The following GSE1 variants were observed in gnomAD, a reference collection of about 807,000 sequenced individuals.
GSE1 encodes the protein genetic suppressor element 1.
A neutral mutation model predicts 112.6 loss-of-function variants in GSE1; 32 were observed. The ratio of observed to expected loss-of-function variants is 0.28; its 90% CI spans 0.21 to 0.38. GSE1 has a LOEUF of 0.38. GSE1 is among the 10% of genes least tolerant of loss of function. The pLI is 1.00. For synonymous variants in GSE1, 1,115 were observed against 735.6 expected, an observed-to-expected ratio of 1.52 and a Z score of -8.35; for missense variants, 2,348 against 1,699.2, an observed-to-expected ratio of 1.38 and a Z score of -6.71.
chr16:85,208,778 C>T (rs1285066976), intron 1 of GSE1, among the ~76,000 whole-genome samples: 4 of 151,610 alleles, frequency 2.6e-5, no homozygotes, highest in South Asian at 4.2e-4. Flanking sequence ...GGGTGGGGTT[C>T]GCCGCGTGTT....
intron 1 of GSE1, among the ~76,000 whole-genome samples, chr16:85,627,169 G>A (rs1177596027): frequency 9.8e-5 from 12 of 122,518 alleles, no homozygotes; most frequent in Non-Finnish European, 1.7e-4. Flanking sequence ...TACGGGGGGC[G>A]GGGGGTGGGG....
intron 1 of GSE1, among the ~76,000 whole-genome samples, chr16:85,348,873 C>A (rs1338256843): frequency 6.6e-6 from 1 of 152,068 alleles, no homozygotes; most frequent in Non-Finnish European, 1.5e-5. Context: ...TGTCCTCCCT[C>A]CCTCCAGCCC....
chr16:85,415,931 C>T (rs1486865889), intron 2 of GSE1, among the ~76,000 whole-genome samples: 2 of 152,184 alleles, frequency 1.3e-5, no homozygotes, highest in Non-Finnish European at 2.9e-5. Flanking sequence ...GAAGGCCGAG[C>T]AATAACACAC....
chr16:85,461,838 C>T (rs1043790799), intron 2 of GSE1, among the ~76,000 whole-genome samples: 1 of 152,200 alleles, frequency 6.6e-6, no homozygotes, highest in South Asian at 2.1e-4. Flanking sequence ...ACCTCCCCTC[C>T]TCCCGGACCT....
intron 3 of GSE1, among the ~76,000 whole-genome samples, chr16:85,650,612 A>G (rs1010428238): frequency 6.6e-6 from 1 of 152,202 alleles, no homozygotes; most frequent in South Asian, 2.1e-4. Flanking sequence ...AGAGCAGAGC[A>G]GGGGCGCGAC....
chr16:85,599,960 A>T (rs2047391377), intron 1 of GSE1, among the ~76,000 whole-genome samples: 1 of 152,118 alleles, frequency 6.6e-6, no homozygotes, highest in Admixed American at 6.5e-5. Context: ...CTAAAATGGG[A>T]GGGCGGCAGC....
intron 1 of GSE1, among the ~76,000 whole-genome samples, chr16:85,195,198 C>T (rs1479140026): frequency 3.9e-5 from 6 of 152,132 alleles, no homozygotes; most frequent in Non-Finnish European, 7.3e-5. Flanking sequence ...TTTAAAAAAC[C>T]CACAGAGGAG....
At chr16:85,356,933 C>T (rs753677269) in intron 1 of GSE1, among the ~76,000 whole-genome samples, 3 of 152,200 alleles carry the variant, frequency 2.0e-5, no homozygotes, top group East Asian at 1.9e-4. Flanking sequence ...GAGCATCCCC[C>T]GGGGGTACTC....
intron 1 of GSE1, among the ~76,000 whole-genome samples, chr16:85,343,833 G>A (rs1388250251): frequency 3.3e-5 from 5 of 152,166 alleles, no homozygotes; most frequent in South Asian, 4.1e-4. Context: ...CTCTCACTGC[G>A]AATGAGATCC....
rs1567692418 is a variant in GSE1 at position 85,331,345 on chromosome 16, G to A, written c.2284-26118G>A. 9.4e-5 allele frequency among the ~76,000 whole-genome samples: 7 copies of A among 74,212 alleles called. No individual in the cohort carries two copies. The East Asian group carries it at 3.4e-3, about 36-fold the overall frequency. 48.7% of individuals were successfully genotyped at this position (74,212 alleles called of 152,430 possible). ...TTTCTGTGTGTGTGTGTGTGTGTGT[G>A]TGTGTGTGTGTGTGTGTGTGTATAT... On this transcript the variant is annotated intron_variant, in intron 1 of 2. Transcript: ENST00000637419.
intron 1 of GSE1, among the ~76,000 whole-genome samples, chr16:85,187,374 A>G (rs2074726558): frequency 6.6e-6 from 1 of 152,260 alleles, no homozygotes; most frequent in South Asian, 2.1e-4. Flanking sequence ...GGCTGCGCCA[A>G]GGCCCTGGGG....
chr16:85,595,548 C>T (rs1466946506), intron 1 of GSE1: 3 of 152,202 alleles, frequency 2.0e-5, no homozygotes, highest in East Asian at 1.9e-4. Context: ...CCTCTGATGC[C>T]TGTTGAGGAG....
rs541483053 is a variant in GSE1, at chr16:85,480,003, G to A, written c.2464+122360G>A. On this transcript the variant is annotated intron_variant, in intron 2 of 2. Coordinates refer to the GSE1 transcript ENST00000637419. ...CCCAAGGTGCTTGAGGCCACACAGC[G>A]GCCATGATGCACGACGGGTGATGTT... is the stretch of plus-strand genomic sequence containing the variant. Among the ~76,000 whole-genome samples, 77 of 152,302 alleles carry A rather than the reference G, an allele frequency of 5.1e-4. 1 individual carries two copies. The highest frequency in any genetic ancestry group is 9.1e-4 in the Admixed American group (14 of 15,302).
chr16:85,290,163 C>T (rs960123275), intron 1 of GSE1, among the ~76,000 whole-genome samples: 4 of 152,138 alleles, frequency 2.6e-5, no homozygotes, highest in African/African-American at 9.7e-5. Flanking sequence ...CACTTCCCTG[C>T]GTGGGAAGGG....
At chr16:85,651,893 C>T (rs768613129) in intron 3 of GSE1, among the ~76,000 whole-genome samples, 1 of 152,170 alleles carries the variant, frequency 6.6e-6, no homozygotes, top group Non-Finnish European at 1.5e-5. Context: ...TGCTGGGGGG[C>T]CAGGGGCCAC....
chr16:85,242,677 C>G (rs944293311), intron 1 of GSE1, among the ~76,000 whole-genome samples: 6 of 152,134 alleles, frequency 3.9e-5, no homozygotes, highest in South Asian at 2.1e-4. Context: ...CGACAGCGAC[C>G]CCGACCCCAC....
At chr16:85,502,480 T>G (rs2051402434) in intron 2 of GSE1, among the ~76,000 whole-genome samples, 1 of 152,158 alleles carries the variant, frequency 6.6e-6, no homozygotes, top group African/African-American at 2.4e-5. Context: ...GTTCCAAAGT[T>G]CCCGCTATTA....
intron 2 of GSE1, among the ~76,000 whole-genome samples, chr16:85,372,246 G>C (rs563583773): frequency 6.6e-6 from 1 of 152,096 alleles, no homozygotes; most frequent in Non-Finnish European, 1.5e-5. Context: ...TGAGATCAAG[G>C]TGGGCAGATC....
intron 1 of GSE1, among the ~76,000 whole-genome samples, chr16:85,250,706 A>C (rs1906374970): frequency 6.6e-6 from 1 of 152,200 alleles, no homozygotes; most frequent in African/African-American, 2.4e-5. Flanking sequence ...ACTGATTTAA[A>C]GTGTAGAGTT....
Sources: gnomAD v4.1 joint callset for allele counts (sites outside exome capture counted in the v4.1 genomes callset) on GRCh38, gnomAD v4.1.1 for gene constraint, MANE v1.5 for transcripts, NCBI Gene and HGNC (gene_info 2026-07-23, HGNC 2026-07-21) for gene names.